Variants in RNF216 observed in about 807,000 individuals in gnomAD.
RNF216 encodes E3 ubiquitin-protein ligase RNF216.
RNF216 carries 72 observed loss-of-function variants against 110.8 expected under a neutral mutation model. That is an observed-to-expected ratio of 0.65 (90% confidence interval 0.54 to 0.79). RNF216 has a LOEUF of 0.79. RNF216 is among the 30% of genes least tolerant of loss of function. RNF216 has a pLI of 0.00. For missense variants in RNF216, 1,342 were observed against 1,141.2 expected (o/e 1.18, Z -2.54); for synonymous variants, 495 against 407.5 (o/e 1.21, Z -2.59).
chr7:5,730,593 G>A (rs2128643920), intron 6 of RNF216, 122 bp downstream of exon 6: 1 of 1,371,526 alleles, frequency 7.3e-7, no homozygotes, highest in African/African-American at 1.5e-5. Flanking sequence ...ATGTCCCTCG[G>A]CTAGTCTTTA....
chr7:5,764,963 CTG>C (rs1287075328), intron 1 of RNF216, among the ~76,000 whole-genome samples: 1 of 151,346 alleles, frequency 6.6e-6, no homozygotes, highest in African/African-American at 2.4e-5. Context: ...CCAGCTACTC[CTG>C]AGGCTGAGGC....
Position 5,752,929 on chromosome 7 carries a change from C to T in RNF216, c.118G>A (p.Glu40Lys). ...GPITISDSSD[E>K]ERIPMLVTPA... ...GTGACCAGCATTGGAATCCTTTCCT[C>T]ATCTGAGGAGTCAGATATGGTGATG... The change falls in exon 3 of 17, where the codon GAG becomes AAG. Residue 40 changes from glutamate (E) to lysine (K), a missense_variant. Glu to Lys is a moderately conservative substitution (Grantham distance 56). Transcript: ENST00000389902. 6.2e-7 allele frequency: 1 copy of T among 1,611,934 alleles called. No homozygotes were observed. Among genetic ancestry groups the T allele is most frequent in the South Asian group, 1.1e-5 (1 of 90,310 alleles).
At chr7:5,777,947 C>T (rs1158551389) in intron 1 of RNF216, among the ~76,000 whole-genome samples, 2 of 152,206 alleles carry the variant, frequency 1.3e-5, no homozygotes, top group Non-Finnish European at 1.5e-5. Context: ...AGTACATCCT[C>T]ATGTGTGGAG....
intron 11 of RNF216, 131 bp from the exon 12 acceptor site, chr7:5,712,994 A>C: frequency 1.2e-6 from 1 of 832,382 alleles, no homozygotes; most frequent in Non-Finnish European, 1.8e-6. Flanking sequence ...ATCTCTGAGA[A>C]ATCACACTTA....
chr7:5,751,827 T>TAAAA (rs3075700), intron 3 of RNF216, among the ~76,000 whole-genome samples: 35 of 37,294 alleles, frequency 9.4e-4, no homozygotes, highest in East Asian at 1.4e-3. Context: ...ATCTTTAAAC[T>TAAAA]AAAAAAAAAA....
At chr7:5,640,783 A>G (rs1292794074) in intron 15 of RNF216, among the ~76,000 whole-genome samples, 1 of 152,250 alleles carries the variant, frequency 6.6e-6, no homozygotes. Context: ...AGTGAGTCTC[A>G]TAAGAAAATC....
intron 8 of RNF216, among the ~76,000 whole-genome samples, chr7:5,722,206 G>A (rs947914057): frequency 3.9e-5 from 6 of 152,186 alleles, no homozygotes; most frequent in Non-Finnish European, 7.3e-5. Flanking sequence ...TTACAGGTGT[G>A]AGCCACAACG....
At chr7:5,758,677 CT>C (rs1795771789) in intron 2 of RNF216, among the ~76,000 whole-genome samples, 2 of 152,136 alleles carry the variant, frequency 1.3e-5, no homozygotes, top group South Asian at 4.1e-4. Context: ...TTGCGTCTTT[CT>C]TTTGGCCAAT....
chr7:5,736,117 CTCCCTG>C (rs71004695), intron 5 of RNF216, among the ~76,000 whole-genome samples: 125,685 of 151,228 alleles, frequency 0.83, 53,762 homozygotes, highest in Middle Eastern at 0.93. Flanking sequence ...AGCTCTCCCT[CTCCCTG>C]TCCCTGTCCC....
chr7:5,735,365 C>T (rs982606784), intron 5 of RNF216, among the ~76,000 whole-genome samples: 1 of 152,012 alleles, frequency 6.6e-6, no homozygotes, highest in Non-Finnish European at 1.5e-5. Context: ...GCAGGAAGAA[C>T]AGAATATGAT....
intron 5 of RNF216, among the ~76,000 whole-genome samples, chr7:5,731,145 A>G (rs558623356): frequency 6.6e-6 from 1 of 152,396 alleles, no homozygotes; most frequent in Admixed American, 6.5e-5. Context: ...GAAAATTTTA[A>G]GAAAAGCAGC....
At chr7:5,705,071 G>A (rs1792199280) in intron 13 of RNF216, among the ~76,000 whole-genome samples, 1 of 152,070 alleles carries the variant, frequency 6.6e-6, no homozygotes. Context: ...TCCCTGATGG[G>A]CACCTTACCC....
chr7:5,739,183 T>C, intron 5 of RNF216, 93 bp downstream of exon 5: 1 of 1,352,702 alleles, frequency 7.4e-7, no homozygotes, highest in Non-Finnish European at 9.7e-7. Context: ...CACCAAATTG[T>C]ATATTTAAAA....
intron 1 of RNF216, among the ~76,000 whole-genome samples, chr7:5,775,990 A>G (rs916691351): frequency 6.6e-6 from 1 of 152,134 alleles, no homozygotes; most frequent in Non-Finnish European, 1.5e-5. Flanking sequence ...AATGTCTATA[A>G]ACGATTGTTT....
At chr7:5,630,586 TCTCA>T (rs1040330545) in intron 15 of RNF216, among the ~76,000 whole-genome samples, 21 of 152,164 alleles carry the variant, frequency 1.4e-4, no homozygotes, top group Admixed American at 1.2e-3. Context: ...GAGGGGGAGT[TCTCA>T]CTGTGTTGTC....
At chr7:5,716,630 T>G (rs1168435234) in intron 10 of RNF216, 86 bp downstream of exon 10, 14 of 1,124,468 alleles carry the variant, frequency 1.2e-5, no homozygotes, top group African/African-American at 1.6e-5. Context: ...AAAAACAAAT[T>G]TGCCATCAAA....
chr7:5,738,997 T>TC (rs1261483470), intron 5 of RNF216, among the ~76,000 whole-genome samples: 1 of 151,944 alleles, frequency 6.6e-6, no homozygotes, highest in Non-Finnish European at 1.5e-5. Context: ...ACACATGAGG[T>TC]CCCTGATAGT....
intron 3 of RNF216, among the ~76,000 whole-genome samples, chr7:5,748,611 T>C (rs199851333): frequency 3.0e-4 from 43 of 143,162 alleles, no homozygotes; most frequent in East Asian, 1.1e-3. Flanking sequence ...TTTATATACA[T>C]ACACACACAC....
Position 5,683,166 on chromosome 7 carries a change from A to G in RNF216, c.2061+28595T>C, listed in dbSNP as rs532289694. Reference sequence around the variant, plus strand: ...AACAAAAAACAGACACCAGACCACAAGCTAGAAATGCAGCATCACATGGTA... The same window carrying G: ...AACAAAAAACAGACACCAGACCACAGGCTAGAAATGCAGCATCACATGGTA... On this transcript the variant is annotated intron_variant, in intron 13 of 16. Transcript: ENST00000389902. 2.0e-5 allele frequency among the ~76,000 whole-genome samples: 3 copies of G among 152,338 alleles called. No individual in the cohort carries two copies. The East Asian group carries it at 5.8e-4, about 29-fold the overall frequency.
Sources: gnomAD v4.1 joint callset for allele counts (sites outside exome capture counted in the v4.1 genomes callset) on GRCh38, gnomAD v4.1.1 for gene constraint, MANE v1.5 for transcripts, NCBI Gene and HGNC (gene_info 2026-07-23, HGNC 2026-07-21) for gene names.